Variants in SBF2 observed in about 807,000 individuals in gnomAD.
SBF2 encodes the protein SET binding factor 2, also known as myotubularin-related protein 13.
Under a neutral mutation model 225.2 loss-of-function variants are expected in SBF2, and 112 were observed. The observed-to-expected ratio is 0.50, with a 90% CI of 0.43 to 0.58. SBF2 has a LOEUF of 0.58. Ranked by LOEUF, SBF2 falls within the 20% of genes least tolerant of loss-of-function variation. The probability of loss-of-function intolerance (pLI) is 0.00; values close to 1 mark genes in which losing one functional copy is unlikely to be tolerated. For synonymous variants in SBF2, 763 were observed against 773.3 expected (o/e 0.99, Z 0.22); for missense variants, 1,996 against 2,206.2 (o/e 0.90, Z 1.91).
At chr11:9,941,907 A>G (rs1478697532) in intron 16 of SBF2, among the ~76,000 whole-genome samples, 2 of 152,224 alleles carry the variant, frequency 1.3e-5, no homozygotes, top group Non-Finnish European at 2.9e-5. Context: ...ACTAAAATTA[A>G]GGAAGTTTGC....
intron 2 of SBF2, among the ~76,000 whole-genome samples, chr11:10,065,950 A>T (rs114874158): frequency 2.4e-3 from 366 of 152,256 alleles, no homozygotes; most frequent in African/African-American, 7.8e-3. Flanking sequence ...TCCTTCTCAA[A>T]CAACAAACAA....
Position 9,992,364 on chromosome 11 carries a change from A to G in SBF2, c.1296+51T>C, listed in dbSNP as rs183871018. ...AAAATGTTACTTTTTACTTTTAACT[A>G]CTAGTCTAATTATGTCTATAAATAA... On this transcript the variant is annotated intron_variant, in intron 12 of 39. Transcript: ENST00000256190. 7,657 of 1,480,754 alleles carry G rather than the reference A, an allele frequency of 5.2e-3. 35 individuals are homozygous for G. Among genetic ancestry groups the G allele is most frequent in the Non-Finnish European group, 6.5e-3 (7,015 of 1,080,258 alleles). 91.7% of individuals were successfully genotyped at this position (1,480,754 alleles called of 1,614,324 possible). A position where few individuals can be genotyped will look rare whatever the true frequency, so the allele number is the denominator to read the frequency against.
At chr11:9,783,546 C>T (rs1168694916) in intron 38 of SBF2, among the ~76,000 whole-genome samples, 1 of 152,182 alleles carries the variant, frequency 6.6e-6, no homozygotes, top group East Asian at 1.9e-4. Flanking sequence ...CACAGGAGAC[C>T]ATGCAGCTCT....
intron 16 of SBF2, among the ~76,000 whole-genome samples, chr11:9,908,583 C>G (rs1047469097): frequency 2.0e-5 from 3 of 152,282 alleles, no homozygotes; most frequent in Admixed American, 1.3e-4. Flanking sequence ...GCCGAGATCA[C>G]GCTACTGCAC....
chr11:9,903,931 C>T (rs1203337160), intron 16 of SBF2, among the ~76,000 whole-genome samples: 1 of 152,072 alleles, frequency 6.6e-6, no homozygotes, highest in East Asian at 1.9e-4. Flanking sequence ...ATTCAATTAA[C>T]ACTTTAGTGT....
At chr11:10,038,344 A>G (rs968063576) in intron 3 of SBF2, among the ~76,000 whole-genome samples, 1 of 152,026 alleles carries the variant, frequency 6.6e-6, no homozygotes, top group Non-Finnish European at 1.5e-5. Context: ...AGAATGAAAT[A>G]AAGTGTTGTA....
At chr11:9,909,618 C>T (rs555282661) in intron 16 of SBF2, among the ~76,000 whole-genome samples, 59 of 149,494 alleles carry the variant, frequency 3.9e-4, no homozygotes, top group African/African-American at 1.3e-3. Flanking sequence ...TGCGGTGAGC[C>T]GAGATTGCGC....
intron 2 of SBF2, among the ~76,000 whole-genome samples, chr11:10,142,240 G>C (rs999089117): frequency 3.3e-5 from 5 of 152,146 alleles, no homozygotes; most frequent in Admixed American, 2.6e-4. Flanking sequence ...TCTTGCATCT[G>C]TCATTTAGAG....
At chr11:10,302,236 C>T (rs958543232) in intron 1 of SBF2, among the ~76,000 whole-genome samples, 1 of 152,198 alleles carries the variant, frequency 6.6e-6, no homozygotes, top group Admixed American at 6.5e-5. Flanking sequence ...ATTAAACAAA[C>T]TCGAGATTTC....
At chr11:10,083,809 T>C (rs1409210518) in intron 2 of SBF2, among the ~76,000 whole-genome samples, 3 of 152,112 alleles carry the variant, frequency 2.0e-5, no homozygotes, top group African/African-American at 4.8e-5. Context: ...CTTCTGGACA[T>C]TGACCTAAGG....
At chr11:10,076,360 G>A (rs1951108214) in intron 2 of SBF2, among the ~76,000 whole-genome samples, 1 of 152,238 alleles carries the variant, frequency 6.6e-6, no homozygotes, top group Admixed American at 6.5e-5. Flanking sequence ...CAGCCAGCCA[G>A]CACAGGTGGC....
intron 1 of SBF2, among the ~76,000 whole-genome samples, chr11:10,240,536 C>T (rs775235258): frequency 3.3e-5 from 5 of 152,176 alleles, no homozygotes; most frequent in Non-Finnish European, 7.4e-5. Context: ...AGTATCTTTG[C>T]TGATCTGAGA....
At chr11:9,908,106 A>C (rs2134174574) in intron 16 of SBF2, among the ~76,000 whole-genome samples, 1 of 152,382 alleles carries the variant, frequency 6.6e-6, no homozygotes, top group South Asian at 2.1e-4. Flanking sequence ...CTAGTGAATT[A>C]TAAATAATAT....
chr11:10,124,950 C>A (rs1364010093), intron 2 of SBF2, among the ~76,000 whole-genome samples: 3 of 151,496 alleles, frequency 2.0e-5, no homozygotes, highest in African/African-American at 7.3e-5. Flanking sequence ...ACTAAAAGTA[C>A]AAAAATTAGC....
intron 33 of SBF2, among the ~76,000 whole-genome samples, chr11:9,795,324 T>A (rs1853056223): frequency 6.6e-6 from 1 of 152,212 alleles, no homozygotes; most frequent in African/African-American, 2.4e-5. Flanking sequence ...CATGTGATCA[T>A]CATGGCCCTG....
chr11:10,126,630 T>C (rs555818809), intron 2 of SBF2, among the ~76,000 whole-genome samples: 2 of 152,056 alleles, frequency 1.3e-5, no homozygotes, highest in Non-Finnish European at 2.9e-5. Flanking sequence ...AGTAAATAAA[T>C]ACTGAAAAAT....
intron 2 of SBF2, among the ~76,000 whole-genome samples, chr11:10,105,029 G>A (rs896761833): frequency 1.3e-5 from 2 of 152,110 alleles, no homozygotes; most frequent in African/African-American, 4.8e-5. Context: ...ATCTTCACTG[G>A]GAACACTGGC....
intron 3 of SBF2, among the ~76,000 whole-genome samples, chr11:10,035,236 A>G (rs1949391144): frequency 6.6e-6 from 1 of 152,070 alleles, no homozygotes; most frequent in Non-Finnish European, 1.5e-5. Flanking sequence ...GGCCTCCCAA[A>G]GTGCTGGGAT....
intron 16 of SBF2, chr11:9,959,206 TG>T: frequency 1.3e-6 from 1 of 780,426 alleles, no homozygotes; most frequent in Non-Finnish European, 2.4e-6. Flanking sequence ...GAATTTCCAC[TG>T]GGCAGGCATG....
Sources: gnomAD v4.1 joint callset for allele counts (sites outside exome capture counted in the v4.1 genomes callset) on GRCh38, gnomAD v4.1.1 for gene constraint, MANE v1.5 for transcripts, NCBI Gene and HGNC (gene_info 2026-07-23, HGNC 2026-07-21) for gene names.